MN1: variants seen among roughly 807,000 people sequenced by gnomAD.
MN1 encodes the protein MN1 proto-oncogene, transcriptional regulator, also known as transcriptional activator MN1.
In MN1, 19 loss-of-function variants were observed where a neutral mutation model predicts 86.9. The ratio of observed to expected loss-of-function variants is 0.22; its 90% CI spans 0.15 to 0.32. The LOEUF (loss-of-function observed/expected upper bound fraction) is 0.32. Ranked by LOEUF, MN1 falls within the 10% of genes least tolerant of loss-of-function variation. The pLI is 1.00. For synonymous variants in MN1, 928 were observed against 849.6 expected, an observed-to-expected ratio of 1.09 and a Z score of -1.60; for missense variants, 1,841 against 1,862.0, an observed-to-expected ratio of 0.99 and a Z score of 0.21.
chr22:27,793,883 G>A (rs890969918), intron 1 of MN1, among the ~76,000 whole-genome samples: 8 of 152,178 alleles, frequency 5.3e-5, no homozygotes, highest in East Asian at 1.9e-4. Context: ...TCATTGGAGC[G>A]AAGAATTTCA....
chr22:27,786,066 G>C (rs1256409138), intron 1 of MN1, among the ~76,000 whole-genome samples: 5 of 152,246 alleles, frequency 3.3e-5, no homozygotes, highest in African/African-American at 9.6e-5. Context: ...GGGAACCGAC[G>C]AGATGAGCGA....
Position 27,799,082 on chromosome 22 carries a change from G to A in MN1, c.1462C>T (p.Pro488Ser). Residue 488 changes from proline (P) to serine (S), a missense_variant, in exon 1 of 2, where the codon CCT becomes TCT. By Grantham distance (74) the Pro-to-Ser change is moderately conservative (BLOSUM62 -1). Coordinates refer to ENST00000302326, the MANE Select transcript of MN1 (RefSeq NM_002430.3). ...CCGGGTAGGCCTGGGTAGGCGGAAGGGGAGAGGTGATTATCCAGAGCGCCG... is the reference window on the plus strand; with the variant it reads ...CCGGGTAGGCCTGGGTAGGCGGAAGAGGAGAGGTGATTATCCAGAGCGCCG... ...HNGALDNHLS[P>S]SAYPGLPGEF... 1 of 1,608,196 alleles carries A rather than the reference G, an allele frequency of 6.2e-7. No individual in the cohort carries two copies. Among genetic ancestry groups the A allele is most frequent in the Non-Finnish European group, 8.5e-7 (1 of 1,176,150 alleles).
Position 27,749,648 on chromosome 22 carries a change from G to T in MN1, c.*1267C>A, listed in dbSNP as rs1371248539. ...GAGATTCCAAAAAAATGTTGGGGAG[G>T]GGGCAGAGGAATTCCAGAGTTCAAA... On this transcript the variant is annotated 3_prime_UTR_variant, in exon 2 of 2. Transcript: ENST00000302326. The T allele has an allele frequency of 4.3e-6, 1 of 231,974 alleles. No homozygotes were observed. The highest frequency in any genetic ancestry group is 6.1e-5 in the East Asian group (1 of 16,402). 14.4% of individuals were successfully genotyped at this position (231,974 alleles called of 1,614,324 possible).
In MN1 at chr22:27,782,197, C is replaced by T. The variant is rs141516875; in HGVS notation, c.3781+14566G>A. On this transcript the variant is annotated intron_variant, in intron 1 of 1. Coordinates refer to ENST00000302326, the MANE Select transcript of MN1 (RefSeq NM_002430.3). ...ATGGTGGCAGGCTGTGACCAGACCA[C>T]AGGGTCTGAATGCCCCGAACAAGGA... Among the ~76,000 whole-genome samples the T allele has an allele frequency of 2.8e-3, 425 of 152,324 alleles. 1 individual carries two copies. The highest frequency in any genetic ancestry group is 5.6e-3 in the Admixed American group (85 of 15,302).
intron 1 of MN1, among the ~76,000 whole-genome samples, chr22:27,775,336 A>G (rs1364453214): frequency 6.6e-6 from 1 of 152,094 alleles, no homozygotes; most frequent in Non-Finnish European, 1.5e-5. Flanking sequence ...AGAGGGTGGG[A>G]GTGGCCAGGG....
At position 27,769,555 on chromosome 22, in the gene MN1, T is replaced by TTTTTTTTTTTTTTTC. The variant is rs1932897400; in HGVS notation, c.3782-18460_3782-18459insGAAAAAAAAAAAAAA. ...AGCAATAATATCAAGGATGCCAATT[T>TTTTTTTTTTTTTTTC]TTTTTTTTTTTTTTTGAGACAGAGT... is the stretch of plus-strand genomic sequence containing the variant. On this transcript the variant is annotated intron_variant, in intron 1 of 1. Coordinates refer to ENST00000302326, the MANE Select transcript of MN1 (RefSeq NM_002430.3). 1.8e-5 allele frequency among the ~76,000 whole-genome samples: 2 copies of TTTTTTTTTTTTTTTC among 108,322 alleles called. 1 individual carries two copies. 71.1% of individuals were successfully genotyped at this position (108,322 alleles called of 152,430 possible). A position where few individuals can be genotyped will look rare whatever the true frequency, so the allele number is the denominator to read the frequency against.
chr22:27,767,952 AG>A (rs987719443), intron 1 of MN1, among the ~76,000 whole-genome samples: 1 of 152,118 alleles, frequency 6.6e-6, no homozygotes, highest in Non-Finnish European at 1.5e-5. Context: ...TCCTTTTTAA[AG>A]GATGCAGAAA....
intron 1 of MN1, among the ~76,000 whole-genome samples, chr22:27,790,326 C>T (rs1933193422): frequency 6.6e-6 from 1 of 152,236 alleles, no homozygotes; most frequent in African/African-American, 2.4e-5. Flanking sequence ...CCACGCTCTG[C>T]AAAGCGGCTG....
At position 27,766,818 on chromosome 22, in the gene MN1, C is replaced by T. The variant is rs45466793; in HGVS notation, c.3782-15722G>A. 8.0e-3 allele frequency among the ~76,000 whole-genome samples: 1,211 copies of T among 152,260 alleles called. 11 individuals are homozygous for T. The highest frequency in any genetic ancestry group is 0.014 in the Middle Eastern group (4 of 294). ...CTACTGCCAAAGCCAGCACCAGACC[C>T]CCTCCTCGTCCCGAAGGCTTCACCA... On this transcript the variant is annotated intron_variant, in intron 1 of 1. Transcript: ENST00000302326.
In MN1 at chr22:27,797,710, C is replaced by G; in HGVS notation, c.2834G>C (p.Arg945Pro). 3.7e-6 allele frequency: 6 copies of G among 1,610,564 alleles called. No individual in the cohort carries two copies. The highest frequency in any genetic ancestry group is 5.1e-6 in the Non-Finnish European group (6 of 1,179,040). The change falls in exon 1 of 2, where the codon CGC (arginine) becomes CCC (proline). Residue 945 changes from arginine (R) to proline (P), a missense_variant. Physicochemically the swap from Arg to Pro is moderately radical, Grantham distance 103. Coordinates refer to ENST00000302326, the MANE Select transcript of MN1 (RefSeq NM_002430.3). ...CACGTGACCACTGTCCCTTTTTCTG[C>G]GACCCCGTCCCCGGCCGCCGCCCCC... ...VSGGGGRGRG[R>P]RKRDSGHVSP...
chr22:27,771,042 A>G (rs555461036), intron 1 of MN1, among the ~76,000 whole-genome samples: 1 of 152,138 alleles, frequency 6.6e-6, no homozygotes, highest in African/African-American at 2.4e-5. Context: ...CCATTTATTG[A>G]GCAGTTTGCC....
At chr22:27,764,581 GC>G (rs1932855955) in intron 1 of MN1, among the ~76,000 whole-genome samples, 1 of 152,206 alleles carries the variant, frequency 6.6e-6, no homozygotes, top group Non-Finnish European at 1.5e-5. Flanking sequence ...GGAATCAGAA[GC>G]CTGAGAGGAA....
intron 1 of MN1, among the ~76,000 whole-genome samples, chr22:27,779,840 TCTGCAAGGC>T (rs1933027420): frequency 6.6e-6 from 1 of 152,052 alleles, no homozygotes; most frequent in African/African-American, 2.4e-5. Flanking sequence ...CGGGGTGACC[TCTGCAAGGC>T]CTGGAGAACA....
chr22:27,767,173 G>A (rs1449904899), intron 1 of MN1, among the ~76,000 whole-genome samples: 1 of 152,038 alleles, frequency 6.6e-6, no homozygotes, highest in Non-Finnish European at 1.5e-5. Context: ...TAGGCCCTCA[G>A]TGTGCTGACT....
rs1932756200 is a variant in MN1, at chr22:27,750,752, A to G, written c.*163T>C. ...CCTTTAAATTAACCCTTTCCGGTCC[A>G]TATGCCACTAAGCAGGTACCAACCT... On this transcript the variant is annotated 3_prime_UTR_variant, in exon 2 of 2. Transcript: ENST00000302326. 1 of 535,906 alleles carries G rather than the reference A, an allele frequency of 1.9e-6. No homozygotes were observed. Among genetic ancestry groups the G allele is most frequent in the Non-Finnish European group, 3.1e-6 (1 of 320,824 alleles). The allele number at this position is 535,906 out of a possible 1,614,324, so 33.2% of individuals were successfully genotyped here.
At chr22:27,765,676 G>C (rs1030897115) in intron 1 of MN1, among the ~76,000 whole-genome samples, 7 of 152,184 alleles carry the variant, frequency 4.6e-5, no homozygotes, top group Admixed American at 3.3e-4. Flanking sequence ...GGACAGTAGT[G>C]GGGGGAGCAC....
Position 27,800,014 on chromosome 22 carries a change from T to A in MN1, c.530A>T (p.His177Leu). The A allele has an allele frequency of 6.2e-7, 1 of 1,604,942 alleles. No homozygotes were observed. The highest frequency in any genetic ancestry group is 8.5e-7 in the Non-Finnish European group (1 of 1,179,134). ...GGCGTGGCTGGAGGCACCTGAACTG[T>A]GGAAGTCCGGGAGGTTCCCCGGTCG... The part of the protein sequence containing the change: ...PQRPGNLPDF[H>L]SSGASSHAVP... The change falls in exon 1 of 2, where the codon CAC becomes CTC. Residue 177 changes from histidine to leucine, a missense_variant. His to Leu is a moderately conservative substitution (Grantham distance 99). Transcript: ENST00000302326.
rs1474912667 is a variant in MN1 at position 27,752,967 on chromosome 22, C to G, written c.3782-1871G>C. Among the ~76,000 whole-genome samples, 49 of 152,212 alleles carry G rather than the reference C, an allele frequency of 3.2e-4. 1 individual carries two copies. The highest frequency in any genetic ancestry group is 4.8e-5 in the African/African-American group (2 of 41,458). On this transcript the variant is annotated intron_variant, in intron 1 of 1. Coordinates refer to ENST00000302326, the MANE Select transcript of MN1 (RefSeq NM_002430.3). The stretch of plus-strand genomic sequence containing the variant: ...CTCTGGGATTAAGCAGGAGGCCTCC[C>G]CCAGGAGCTGAGCCACAGCCTGCAG...
chr22:27,751,031 C>T lies in MN1; in HGVS notation c.3847G>A (p.Val1283Ile). 4 of 1,606,882 alleles carry T rather than the reference C, an allele frequency of 2.5e-6. No individual in the cohort carries two copies. The highest frequency in any genetic ancestry group is 1.1e-5 in the South Asian group (1 of 90,558). The change falls in exon 2 of 2, where the codon GTC (valine) becomes ATC (isoleucine). Residue 1283 changes from valine to isoleucine, a missense_variant. By Grantham distance (29) the Val-to-Ile change is conservative. Coordinates refer to ENST00000302326, the MANE Select transcript of MN1 (RefSeq NM_002430.3). Reference sequence around the variant, plus strand: ...TCACCCACGTCGTCTGTGCAGTGGACAGACAGGCACTGCAAGTGGCTGCCA... The same window carrying T: ...TCACCCACGTCGTCTGTGCAGTGGATAGACAGGCACTGCAAGTGGCTGCCA... ...QPGSHLQCLS[V>I]HCTDDVGDAK...
Sources: allele counts gnomAD v4.1 joint callset (sites outside exome capture counted in the v4.1 genomes callset), GRCh38; gene constraint gnomAD v4.1.1; transcripts MANE v1.5; gene names NCBI Gene and HGNC (gene_info 2026-07-23, HGNC 2026-07-21).